Variants in CHST11 observed in about 807,000 individuals in gnomAD.
CHST11 encodes carbohydrate sulfotransferase 11, also known as C4S-1.
Under a neutral mutation model 30.4 loss-of-function variants are expected in CHST11, and 9 were observed. The observed-to-expected ratio is 0.30, with a 90% CI of 0.18 to 0.52. CHST11 has a LOEUF of 0.52. Ranked by LOEUF, CHST11 falls within the 20% of genes least tolerant of loss-of-function variation. The pLI, the probability that CHST11 is intolerant of heterozygous loss-of-function variation, is 0.97. For missense variants in CHST11, 348 were observed against 460.6 expected (o/e 0.76, Z 2.24); for synonymous variants, 152 against 187.8 (o/e 0.81, Z 1.56).
At chr12:104,668,878 C>T (rs835493) in intron 2 of CHST11, among the ~76,000 whole-genome samples, 67,365 of 151,880 alleles carry the variant, frequency 0.44, 15,926 homozygotes, top group African/African-American at 0.62. Context: ...CTCTGGGTTC[C>T]AGAAATGAAG....
intron 2 of CHST11, among the ~76,000 whole-genome samples, chr12:104,690,673 AC>A (rs2039889147): frequency 1.3e-5 from 2 of 152,166 alleles, no homozygotes; most frequent in South Asian, 4.1e-4. Flanking sequence ...ATAAATAAAT[AC>A]AAAAATTAGC....
chr12:104,574,369 C>A (rs2038661110), intron 1 of CHST11, among the ~76,000 whole-genome samples: 2 of 151,998 alleles, frequency 1.3e-5, no homozygotes, highest in African/African-American at 4.8e-5. Flanking sequence ...GGGTATATAC[C>A]CAAAGGATTA....
intron 1 of CHST11, among the ~76,000 whole-genome samples, chr12:104,523,959 G>T (rs1565974110): frequency 1.3e-5 from 2 of 152,022 alleles, no homozygotes; most frequent in Admixed American, 6.5e-5. Context: ...GTGTTTTCTG[G>T]GGTGAAAGAC....
At chr12:104,698,127 C>G (rs984208912) in intron 2 of CHST11, among the ~76,000 whole-genome samples, 1 of 152,168 alleles carries the variant, frequency 6.6e-6, no homozygotes, top group African/African-American at 2.4e-5. Context: ...TTTATTCATC[C>G]ATCATTGACT....
chr12:104,607,343 A>C (rs2039015567), intron 2 of CHST11, among the ~76,000 whole-genome samples: 1 of 152,178 alleles, frequency 6.6e-6, no homozygotes, highest in Admixed American at 6.5e-5. Flanking sequence ...TCTTAGCCCC[A>C]ACCTAAATAG....
chr12:104,581,515 G>A (rs911993934), intron 1 of CHST11, among the ~76,000 whole-genome samples: 2 of 152,138 alleles, frequency 1.3e-5, no homozygotes, highest in Non-Finnish European at 1.5e-5. Flanking sequence ...ATTTGATGTA[G>A]TGGCCAAACA....
At chr12:104,533,833 CAG>C (rs1382175473) in intron 1 of CHST11, among the ~76,000 whole-genome samples, 1 of 152,216 alleles carries the variant, frequency 6.6e-6, no homozygotes, top group Non-Finnish European at 1.5e-5. Flanking sequence ...TTCAGAGAGA[CAG>C]AGACAGGCAG....
intron 1 of CHST11, among the ~76,000 whole-genome samples, chr12:104,463,116 A>G (rs923194588): frequency 1.3e-5 from 2 of 152,124 alleles, no homozygotes; most frequent in African/African-American, 4.8e-5. Context: ...CAGGAAGTCA[A>G]AGGCTCATAA....
At chr12:104,631,882 A>G (rs575290151) in intron 2 of CHST11, among the ~76,000 whole-genome samples, 2 of 152,296 alleles carry the variant, frequency 1.3e-5, no homozygotes, top group Middle Eastern at 3.4e-3. Flanking sequence ...CTGCTCCCCA[A>G]CTTTCCCGGG....
chr12:104,728,792 C>A (rs574202639), intron 2 of CHST11, among the ~76,000 whole-genome samples: 1 of 152,140 alleles, frequency 6.6e-6, no homozygotes, highest in African/African-American at 2.4e-5. Flanking sequence ...CCTTGGAGGG[C>A]AGAGGGGAGA....
At chr12:104,601,749 T>C (rs541711883) in intron 1 of CHST11, among the ~76,000 whole-genome samples, 157 bp from the exon 2 acceptor site, 1 of 152,364 alleles carries the variant, frequency 6.6e-6, no homozygotes, top group Admixed American at 6.5e-5. Context: ...GCAGCTGTGC[T>C]GTTGGAGAAG....
intron 2 of CHST11, among the ~76,000 whole-genome samples, chr12:104,669,520 G>GTTTTGTTCATTCATAAACGTTAA (rs2039671469): frequency 6.6e-6 from 1 of 152,148 alleles, no homozygotes; most frequent in Non-Finnish European, 1.5e-5. Context: ...ATTCGCTGAG[G>GTTTTGTTCATTCATAAACGTTAA]TTTTGTTCAT....
At chr12:104,497,963 A>C (rs181301144) in intron 1 of CHST11, among the ~76,000 whole-genome samples, 1 of 121,916 alleles carries the variant, frequency 8.2e-6, no homozygotes, top group Admixed American at 1.1e-4. Context: ...GTTGTCACCC[A>C]GGCTGGAGTG....
In CHST11 at chr12:104,671,752, C is replaced by T. The variant is rs938304808; in HGVS notation, c.204+69761C>T. On this transcript the variant is annotated intron_variant, in intron 2 of 2. Transcript: ENST00000303694. ...AATCTCTATCTTTCTCTCTCTTTTT[C>T]TCTCTCTCTCTGTCTCTCTCTCCTC... Among the ~76,000 whole-genome samples the T allele has an allele frequency of 3.4e-4, 51 of 149,864 alleles. No individual in the cohort carries two copies. The Middle Eastern group carries it at 0.01, about 30-fold the overall frequency.
chr12:104,721,828 G>A (rs759803766), intron 2 of CHST11, among the ~76,000 whole-genome samples: 4 of 152,208 alleles, frequency 2.6e-5, no homozygotes, highest in Admixed American at 6.5e-5. Flanking sequence ...TGGCTCAGGC[G>A]ATTCCCCCAA....
chr12:104,750,826 GCTTA>G (rs564552606), intron 2 of CHST11, among the ~76,000 whole-genome samples: 8 of 152,138 alleles, frequency 5.3e-5, no homozygotes, highest in Non-Finnish European at 1.2e-4. Context: ...GAGACAAGGT[GCTTA>G]CTGTCACCTG....
intron 1 of CHST11, among the ~76,000 whole-genome samples, chr12:104,585,331 C>G (rs1277489210): frequency 6.6e-6 from 1 of 152,170 alleles, no homozygotes; most frequent in African/African-American, 2.4e-5. Context: ...AACAGCTCCT[C>G]TCTGATTTGT....
chr12:104,488,363 ATGTGTATGCG>A (rs1390570098), intron 1 of CHST11, among the ~76,000 whole-genome samples: 2 of 151,220 alleles, frequency 1.3e-5, no homozygotes, highest in Admixed American at 1.3e-4. Flanking sequence ...GTGTGTGCGT[ATGTGTATGCG>A]TGTGTATGTG....
chr12:104,696,482 C>CAAAAAAAAAAAAAAAAAAAAAAAAAAAAA (rs10602668), intron 2 of CHST11, among the ~76,000 whole-genome samples: 1 of 69,140 alleles, frequency 1.4e-5, no homozygotes, highest in Non-Finnish European at 2.5e-5. Flanking sequence ...GCTAAAAATA[C>CAAAAAAAAAAAAAAAAAAAAAAAAAAAAA]AAAAAAAAAA....
Sources: allele counts gnomAD v4.1 joint callset (sites outside exome capture counted in the v4.1 genomes callset), GRCh38; gene constraint gnomAD v4.1.1; transcripts MANE v1.5; gene names NCBI Gene and HGNC (gene_info 2026-07-23, HGNC 2026-07-21).